MGST2: variants seen among roughly 807,000 people sequenced by gnomAD.
The protein encoded by MGST2 is glutathione peroxidase MGST2.
Under a neutral mutation model 16.6 loss-of-function variants are expected in MGST2, and 9 were observed. The observed-to-expected ratio is 0.54, with a 90% CI of 0.33 to 0.95. The LOEUF is 0.95. MGST2 is among the 40% of genes least tolerant of loss of function. The pLI, the probability that MGST2 is intolerant of heterozygous loss-of-function variation, is 0.03. For missense variants in MGST2, 159 were observed against 175.1 expected, an observed-to-expected ratio of 0.91 and a Z score of 0.52; for synonymous variants, 79 against 68.0, an observed-to-expected ratio of 1.16 and a Z score of -0.79.
intron 3 of MGST2, chr4:139,698,022 T>C: frequency 1.7e-6 from 1 of 600,798 alleles, no homozygotes; most frequent in Non-Finnish European, 2.9e-6. Flanking sequence ...CTCGCAATCA[T>C]ATACTTAGGT....
At chr4:139,709,129 C>T (rs1473132177), downstream of MGST2, among the ~76,000 whole-genome samples, 1 of 119,962 alleles carries the variant, frequency 8.3e-6, no homozygotes, top group African/African-American at 3.2e-5. Context: ...GTCGCCCAGG[C>T]CGGAGTGCAG....
downstream of MGST2, among the ~76,000 whole-genome samples, chr4:139,709,071 A>AATTTTTTTTT (rs755140695): frequency 8.5e-5 from 7 of 81,972 alleles, no homozygotes; most frequent in Non-Finnish European, 1.1e-4. Context: ...AATGGAAAAA[A>AATTTTTTTTT]TTTTTTTTTT....
chr4:139,719,818 C>T, intron 5 of MGST2: 1 of 1,613,574 alleles, frequency 6.2e-7, no homozygotes, highest in South Asian at 1.1e-5. Flanking sequence ...CTCCACTAGT[C>T]CTCCCAGGCA....
the MGST2 span, among the ~76,000 whole-genome samples, chr4:139,754,576 A>G: frequency 2.0e-5 from 3 of 152,228 alleles, no homozygotes; most frequent in African/African-American, 7.2e-5. Flanking sequence ...ACTTTTATGT[A>G]TATCTCTGAT....
intron 5 of MGST2, among the ~76,000 whole-genome samples, chr4:139,736,495 C>A (rs1194327563): frequency 6.6e-6 from 1 of 152,096 alleles, no homozygotes; most frequent in Non-Finnish European, 1.5e-5. Context: ...AGTCCCCACC[C>A]CCTGAAATGA....
At chr4:139,671,497 G>A (rs1730689196) in intron 1 of MGST2, among the ~76,000 whole-genome samples, 1 of 147,886 alleles carries the variant, frequency 6.8e-6, no homozygotes, top group South Asian at 2.3e-4. Context: ...CAGACCTACT[G>A]CTCTGTCGCC....
At chr4:139,686,174 G>A (rs1018672786) in intron 2 of MGST2, among the ~76,000 whole-genome samples, 1 of 152,192 alleles carries the variant, frequency 6.6e-6, no homozygotes, top group African/African-American at 2.4e-5. Flanking sequence ...GGTGGGAGCA[G>A]GGGGCTTCCA....
At chr4:139,734,338 T>C (rs1728843035) in intron 5 of MGST2, among the ~76,000 whole-genome samples, 1 of 152,222 alleles carries the variant, frequency 6.6e-6, no homozygotes, top group Admixed American at 6.5e-5. Context: ...ATGTAATGCC[T>C]TGAAGCCAAA....
At chr4:139,742,162 TTTTTGA>T (rs1729191918), downstream of MGST2, among the ~76,000 whole-genome samples, 1 of 148,408 alleles carries the variant, frequency 6.7e-6, no homozygotes, top group Admixed American at 6.8e-5. Context: ...TTTTTTTTTT[TTTTTGA>T]GAGAGAGTCT....
intron 1 of MGST2, 40 bp downstream of exon 1, chr4:139,666,117 C>CGCGCGCGCTT: frequency 9.8e-7 from 1 of 1,025,218 alleles, no homozygotes; most frequent in Admixed American, 2.2e-5. Context: ...CGCGTGTGTG[C>CGCGCGCGCTT]GTGTGTGTGT....
chr4:139,702,500 T>A (rs1727303460), intron 3 of MGST2, among the ~76,000 whole-genome samples: 2 of 152,288 alleles, frequency 1.3e-5, no homozygotes, highest in South Asian at 4.1e-4. Context: ...TTTTTTTTCA[T>A]TGCAAAATGT....
At chr4:139,702,432 G>A (rs2110902965) in intron 3 of MGST2, among the ~76,000 whole-genome samples, 1 of 152,232 alleles carries the variant, frequency 6.6e-6, no homozygotes, top group East Asian at 1.9e-4. Context: ...GAATCATACA[G>A]TATGTAGCCT....
the MGST2 span, among the ~76,000 whole-genome samples, chr4:139,747,225 G>T: frequency 1.1e-4 from 17 of 152,294 alleles, no homozygotes; most frequent in South Asian, 1.0e-3. Flanking sequence ...CACACCTTCT[G>T]CATCACTGAG....
intron 2 of MGST2, among the ~76,000 whole-genome samples, chr4:139,680,116 T>C (rs1731161304): frequency 6.6e-6 from 1 of 152,250 alleles, no homozygotes; most frequent in Non-Finnish European, 1.5e-5. Flanking sequence ...ACATTGTCAG[T>C]TGGCTTCTTT....
chr4:139,738,089 C>T (rs1273539759), intron 5 of MGST2, among the ~76,000 whole-genome samples: 3 of 147,790 alleles, frequency 2.0e-5, no homozygotes, highest in Non-Finnish European at 4.6e-5. Flanking sequence ...TGGGTAGAAA[C>T]TCAGCTCCAC....
At chr4:139,739,634 A>G (rs1729083140) in intron 5 of MGST2, among the ~76,000 whole-genome samples, 1 of 151,488 alleles carries the variant, frequency 6.6e-6, no homozygotes, top group Non-Finnish European at 1.5e-5. Flanking sequence ...ATCACATAGG[A>G]AAAAGCTTAC....
rs377355400 is a variant in MGST2 at position 139,700,488 on chromosome 4, AT to A, written c.230-2964del. Reference sequence around the variant, plus strand: ...TTGTCCCATGTGTAAGATTTACAGGATTTAAAGCCTTCATATGAGGGAGGGT... The same window carrying A: ...TTGTCCCATGTGTAAGATTTACAGGATTAAAGCCTTCATATGAGGGAGGGT... On this transcript the variant is annotated intron_variant, in intron 3 of 4. Coordinates refer to ENST00000265498, the MANE Select transcript of MGST2 (RefSeq NM_002413.5). 1.3e-3 allele frequency among the ~76,000 whole-genome samples: 203 copies of A among 152,262 alleles called. 1 individual carries two copies. The highest frequency in any genetic ancestry group is 4.7e-3 in the African/African-American group (196 of 41,546).
intron 5 of MGST2, chr4:139,716,884 A>AAAAC (rs1727992901): frequency 6.6e-6 from 1 of 152,660 alleles, no homozygotes; most frequent in Non-Finnish European, 1.5e-5. Flanking sequence ...GTACAAAGTA[A>AAAAC]AAACAGAAAA....
chr4:139,676,407 G>C (rs1451534132), intron 1 of MGST2, among the ~76,000 whole-genome samples: 1 of 152,130 alleles, frequency 6.6e-6, no homozygotes, highest in Non-Finnish European at 1.5e-5. Flanking sequence ...TTAAGGAATT[G>C]GCTCACACAG....
Sources: allele counts gnomAD v4.1 joint callset (sites outside exome capture counted in the v4.1 genomes callset), GRCh38; gene constraint gnomAD v4.1.1; transcripts MANE v1.5; gene names NCBI Gene and HGNC (gene_info 2026-07-23, HGNC 2026-07-21).